The following KIAA1958 variants were observed in gnomAD, a reference collection of about 807,000 sequenced individuals.
KIAA1958 encodes KIAA1958, also known as uncharacterized protein KIAA1958.
Under a neutral mutation model 47.2 loss-of-function variants are expected in KIAA1958, and 14 were observed. That is an observed-to-expected ratio of 0.30 (90% CI 0.20 to 0.46). The LOEUF (loss-of-function observed/expected upper bound fraction) is 0.46, where lower values mean the gene tolerates loss of function less well. KIAA1958 is among the 20% of genes least tolerant of loss of function. KIAA1958 has a pLI of 1.00. For missense variants in KIAA1958, 803 were observed against 909.2 expected, an observed-to-expected ratio of 0.88 and a Z score of 1.50; for synonymous variants, 354 against 353.3, an observed-to-expected ratio of 1.00 and a Z score of -0.02.
intron 1 of KIAA1958, among the ~76,000 whole-genome samples, chr9:112,531,365 G>A (rs1834749457): frequency 6.6e-6 from 1 of 152,052 alleles, no homozygotes; most frequent in Admixed American, 6.6e-5. Context: ...TCCAGCCTGG[G>A]CAACAAGAGT....
At chr9:112,541,056 G>C (rs1381314429) in intron 1 of KIAA1958, among the ~76,000 whole-genome samples, 2 of 151,822 alleles carry the variant, frequency 1.3e-5, no homozygotes, top group Non-Finnish European at 2.9e-5. Context: ...ATTTTGATGT[G>C]GTTTCTTTTT....
At chr9:112,588,987 C>T (rs1175315662) in intron 2 of KIAA1958, among the ~76,000 whole-genome samples, 2 of 151,934 alleles carry the variant, frequency 1.3e-5, no homozygotes, top group Non-Finnish European at 2.9e-5. Flanking sequence ...ACTATGTTGC[C>T]CAGGCTGGTT....
chr9:112,631,849 A>G (rs1836715948), intron 2 of KIAA1958, among the ~76,000 whole-genome samples: 1 of 152,140 alleles, frequency 6.6e-6, no homozygotes, highest in Non-Finnish European at 1.5e-5. Context: ...ACATTTTTCC[A>G]TTGCACAGAT....
intron 1 of KIAA1958, among the ~76,000 whole-genome samples, chr9:112,529,820 A>G (rs543179333): frequency 6.9e-6 from 1 of 145,480 alleles, no homozygotes; most frequent in East Asian, 2.0e-4. Flanking sequence ...CACTGAAGGG[A>G]CCAGAAGTTA....
intron 2 of KIAA1958, among the ~76,000 whole-genome samples, chr9:112,577,676 T>C (rs1273037913): frequency 2.0e-5 from 3 of 152,098 alleles, no homozygotes. Flanking sequence ...CTTTTCTGCA[T>C]CTGCCTTGTG....
intron 2 of KIAA1958, among the ~76,000 whole-genome samples, chr9:112,590,433 C>T (rs1316310927): frequency 6.6e-6 from 1 of 151,258 alleles, no homozygotes; most frequent in Non-Finnish European, 1.5e-5. Context: ...CTCACTGCAA[C>T]CTCCCCCTCC....
intron 1 of KIAA1958, among the ~76,000 whole-genome samples, chr9:112,569,178 G>GTTGTTGTA (rs1314730020): frequency 1.3e-5 from 2 of 151,840 alleles, no homozygotes; most frequent in African/African-American, 4.8e-5. Flanking sequence ...TGAAATTCTT[G>GTTGTTGTA]TATGATTCCA....
chr9:112,527,341 AAG>A (rs1446310786), intron 1 of KIAA1958, among the ~76,000 whole-genome samples: 3 of 152,190 alleles, frequency 2.0e-5, no homozygotes, highest in Non-Finnish European at 4.4e-5. Flanking sequence ...AAACAGGAGA[AAG>A]AGCATTTTTG....
chr9:112,578,172 A>G (rs2131178185), intron 2 of KIAA1958, among the ~76,000 whole-genome samples: 1 of 152,318 alleles, frequency 6.6e-6, no homozygotes, highest in East Asian at 1.9e-4. Flanking sequence ...TATAAAGTTA[A>G]CATAAAATTT....
intron 1 of KIAA1958, among the ~76,000 whole-genome samples, chr9:112,521,116 A>C (rs1227112885): frequency 6.6e-6 from 1 of 152,194 alleles, no homozygotes; most frequent in African/African-American, 2.4e-5. Flanking sequence ...GGCATGTAAG[A>C]CAATCCGTCT....
intron 2 of KIAA1958, among the ~76,000 whole-genome samples, chr9:112,595,145 T>G (rs563277526): frequency 2.0e-4 from 30 of 152,296 alleles, no homozygotes; most frequent in Middle Eastern, 3.4e-3. Context: ...TCAAAGTGAT[T>G]GATAGAAGCA....
At chr9:112,552,550 A>T (rs1835168730) in intron 1 of KIAA1958, among the ~76,000 whole-genome samples, 1 of 152,230 alleles carries the variant, frequency 6.6e-6, no homozygotes, top group African/African-American at 2.4e-5. Context: ...AAAATGGTGG[A>T]TATTTTTTCC....
At chr9:112,514,410 G>GC (rs1834377109) in intron 1 of KIAA1958, among the ~76,000 whole-genome samples, 1 of 44,190 alleles carries the variant, frequency 2.3e-5, no homozygotes, top group African/African-American at 9.8e-5. Flanking sequence ...GGGGGGGTCA[G>GC]CCCCCCGCCT....
chr9:112,664,058 G>T lies in KIAA1958; in HGVS notation c.*3989G>T, dbSNP rs140164951. ...TAAAGTGCCATCAGTGGGATGGATCGTCTTCACGGTGAACCGTGTTACACT... is the reference window on the plus strand; with the variant it reads ...TAAAGTGCCATCAGTGGGATGGATCTTCTTCACGGTGAACCGTGTTACACT... On this transcript the variant is annotated 3_prime_UTR_variant, in exon 4 of 4. Transcript: ENST00000337530. The T allele has an allele frequency of 2.0e-5, 3 of 152,360 alleles. No homozygotes were observed. The highest frequency in any genetic ancestry group is 7.2e-5 in the African/African-American group (3 of 41,584). 9.4% of individuals were successfully genotyped at this position (152,360 alleles called of 1,614,324 possible). A position where few individuals can be genotyped will look rare whatever the true frequency, so the allele number is the denominator to read the frequency against.
chr9:112,616,769 A>G (rs1369813562), intron 2 of KIAA1958, among the ~76,000 whole-genome samples: 1 of 151,970 alleles, frequency 6.6e-6, no homozygotes, highest in African/African-American at 2.4e-5. Flanking sequence ...CCTAAATTTA[A>G]ATTACATTTT....
intron 2 of KIAA1958, among the ~76,000 whole-genome samples, chr9:112,628,600 AT>A (rs1031092781): frequency 1.3e-4 from 20 of 152,172 alleles, no homozygotes; most frequent in Admixed American, 1.2e-3. Flanking sequence ...TTCCTTTTAT[AT>A]TTTGGACACC....
intron 1 of KIAA1958, among the ~76,000 whole-genome samples, chr9:112,526,764 G>C (rs907632847): frequency 1.3e-5 from 2 of 152,194 alleles, no homozygotes; most frequent in Admixed American, 1.3e-4. Flanking sequence ...GGCCTAGTCA[G>C]CTCTTAAAGG....
At chr9:112,578,006 G>T (rs757561019) in intron 2 of KIAA1958, among the ~76,000 whole-genome samples, 3 of 152,008 alleles carry the variant, frequency 2.0e-5, no homozygotes, top group African/African-American at 4.8e-5. Context: ...TGGTCATGAC[G>T]ATTTTCCAAG....
chr9:112,656,175 C>T (rs1013734375), intron 3 of KIAA1958, among the ~76,000 whole-genome samples: 1 of 151,974 alleles, frequency 6.6e-6, no homozygotes, highest in African/African-American at 2.4e-5. Context: ...GAGTTTGAGA[C>T]CAACCTGGCC....
Sources: gnomAD v4.1 joint callset for allele counts (sites outside exome capture counted in the v4.1 genomes callset) on GRCh38, gnomAD v4.1.1 for gene constraint, MANE v1.5 for transcripts, NCBI Gene and HGNC (gene_info 2026-07-23, HGNC 2026-07-21) for gene names.